STARD13: variants seen among roughly 807,000 people sequenced by gnomAD.
STARD13 encodes stAR-related lipid transfer protein 13.
In STARD13, 62 loss-of-function variants were observed where a neutral mutation model predicts 106.4. The observed-to-expected ratio is 0.58, with a 90% CI of 0.48 to 0.72. The LOEUF is 0.72. STARD13 is among the 30% of genes least tolerant of loss of function. The probability of loss-of-function intolerance (pLI) is 0.00; values close to 1 mark genes in which losing one functional copy is unlikely to be tolerated. For synonymous variants in STARD13, 565 were observed against 553.0 expected (o/e 1.02, Z -0.31); for missense variants, 1,387 against 1,424.0 (o/e 0.97, Z 0.42).
intron 1 of STARD13, chr13:33,185,800 G>A (rs1226394990): frequency 3.2e-5 from 46 of 1,434,338 alleles, no homozygotes; most frequent in Non-Finnish European, 4.4e-5. Flanking sequence ...CACTGCCACT[G>A]AGGCCATGCA....
chr13:33,270,034 G>A (rs780883672), intron 1 of STARD13, among the ~76,000 whole-genome samples: 35 of 152,132 alleles, frequency 2.3e-4, no homozygotes, highest in Non-Finnish European at 4.4e-4. Context: ...TCAGGAGTTC[G>A]AGACCAGCCT....
the STARD13 span, among the ~76,000 whole-genome samples, chr13:33,549,234 C>T: frequency 6.6e-6 from 1 of 152,162 alleles, no homozygotes; most frequent in Non-Finnish European, 1.5e-5. Flanking sequence ...GCTATACATT[C>T]TTCCATCTTA....
intron 6 of STARD13, among the ~76,000 whole-genome samples, chr13:33,126,761 A>G (rs1029038094): frequency 9.9e-5 from 15 of 152,228 alleles, no homozygotes; most frequent in African/African-American, 3.4e-4. Context: ...AATATTTCAT[A>G]AAAGCACCAT....
At chr13:33,601,819 G>A in the STARD13 span, among the ~76,000 whole-genome samples, 1 of 152,266 alleles carries the variant, frequency 6.6e-6, no homozygotes, top group Non-Finnish European at 1.5e-5. Flanking sequence ...AAGGACAGTA[G>A]ACCCTGGAGG....
the STARD13 span, among the ~76,000 whole-genome samples, chr13:33,440,524 C>T: frequency 6.6e-6 from 1 of 151,498 alleles, no homozygotes; most frequent in African/African-American, 2.4e-5. Context: ...TCTTTTCTAC[C>T]CCTCTGCTTG....
Position 33,129,790 on chromosome 13 carries a change from T to C in STARD13, c.887A>G (p.Glu296Gly). Reference sequence around the variant, plus strand: ...GATGCACTGCATAGCCTTAAAGGACTCTGGCTCCTGCTGCAACATGGGCCC... The same window carrying C: ...GATGCACTGCATAGCCTTAAAGGACCCTGGCTCCTGCTGCAACATGGGCCC... ...ISGPMLQQEPESFKAMQCIQI... is the reference protein window; with the variant it reads ...ISGPMLQQEPGSFKAMQCIQI... Residue 296 changes from glutamate (E) to glycine (G), a missense_variant, in exon 5 of 14, where the codon GAG becomes GGG. Glu to Gly is a moderately conservative substitution (Grantham distance 98). Transcript: ENST00000336934. 1 of 1,613,944 alleles carries C rather than the reference T, an allele frequency of 6.2e-7. No individual in the cohort carries two copies. The highest frequency in any genetic ancestry group is 8.5e-7 in the Non-Finnish European group (1 of 1,180,032).
chr13:33,658,129 C>T, the STARD13 span: 19 of 152,574 alleles, frequency 1.2e-4, no homozygotes, highest in African/African-American at 4.3e-4. Flanking sequence ...TTGGATGACT[C>T]TAGGTACCTC....
the STARD13 span, among the ~76,000 whole-genome samples, chr13:33,540,292 T>C: frequency 2.0e-5 from 3 of 152,228 alleles, no homozygotes; most frequent in Non-Finnish European, 4.4e-5. Flanking sequence ...TCGAGAACTT[T>C]CACCTTCCAC....
chr13:33,625,710 CTT>C, the STARD13 span, among the ~76,000 whole-genome samples: 1 of 118,112 alleles, frequency 8.5e-6, no homozygotes. Flanking sequence ...TAATGGTACC[CTT>C]TTTTTTTTGA....
the STARD13 span, among the ~76,000 whole-genome samples, chr13:33,466,193 A>T: frequency 1.5e-4 from 23 of 152,316 alleles, no homozygotes; most frequent in African/African-American, 5.5e-4. Flanking sequence ...GATTTACAAG[A>T]GATACATATT....
intron 12 of STARD13, among the ~76,000 whole-genome samples, chr13:33,107,522 T>G (rs947930839): frequency 1.3e-5 from 2 of 152,152 alleles, no homozygotes; most frequent in Non-Finnish European, 2.9e-5. Flanking sequence ...CTGGTACGCT[T>G]AGCTTGAAGG....
the STARD13 span, among the ~76,000 whole-genome samples, chr13:33,443,908 A>G: frequency 6.1e-4 from 93 of 151,862 alleles, no homozygotes; most frequent in Non-Finnish European, 1.1e-3. Flanking sequence ...AAAAAAAAAA[A>G]AAGAAGATAT....
the STARD13 span, among the ~76,000 whole-genome samples, chr13:33,407,182 G>C: frequency 4.0e-4 from 61 of 152,304 alleles, 1 homozygote; most frequent in South Asian, 0.012. Context: ...AAAGGCATGT[G>C]GTCTCTGAAT....
At chr13:33,497,720 C>T in the STARD13 span, among the ~76,000 whole-genome samples, 5 of 152,172 alleles carry the variant, frequency 3.3e-5, no homozygotes, top group Admixed American at 1.3e-4. Flanking sequence ...TTTCAACATC[C>T]ACCAAGTGCC....
At chr13:33,222,203 T>G (rs920091848) in intron 1 of STARD13, among the ~76,000 whole-genome samples, 6 of 151,868 alleles carry the variant, frequency 4.0e-5, no homozygotes, top group Non-Finnish European at 8.8e-5. Context: ...CTTGAGAACA[T>G]TAGGCTAAGT....
the STARD13 span, among the ~76,000 whole-genome samples, chr13:33,390,678 T>C: frequency 1.3e-5 from 2 of 152,160 alleles, no homozygotes; most frequent in Admixed American, 1.3e-4. Context: ...TTATTCCTGG[T>C]CCAGGAAGAG....
the STARD13 span, among the ~76,000 whole-genome samples, chr13:33,551,908 C>T: frequency 6.6e-6 from 1 of 151,912 alleles, no homozygotes; most frequent in Admixed American, 6.6e-5. Flanking sequence ...ATGAGACAGA[C>T]TTTAGATTCA....
intron 3 of STARD13, among the ~76,000 whole-genome samples, chr13:33,159,007 CT>C (rs1184779836): frequency 6.6e-6 from 1 of 152,168 alleles, no homozygotes; most frequent in Non-Finnish European, 1.5e-5. Context: ...GTTTTTCTTG[CT>C]TCGTAATATT....
At chr13:33,267,638 G>T (rs891717042) in intron 1 of STARD13, among the ~76,000 whole-genome samples, 2 of 152,224 alleles carry the variant, frequency 1.3e-5, no homozygotes, top group African/African-American at 4.8e-5. Context: ...TGGAAGACTA[G>T]TTTCCCCTGT....
Sources: allele counts gnomAD v4.1 joint callset (sites outside exome capture counted in the v4.1 genomes callset), GRCh38; gene constraint gnomAD v4.1.1; transcripts MANE v1.5; gene names NCBI Gene and HGNC (gene_info 2026-07-23, HGNC 2026-07-21).